The following MTHFD1L variants were observed in gnomAD, a reference collection of about 807,000 sequenced individuals.
MTHFD1L encodes methylenetetrahydrofolate dehydrogenase (NADP+ dependent) 1 like, also known as monofunctional C1-tetrahydrofolate synthase, mitochondrial.
A neutral mutation model predicts 119.5 loss-of-function variants in MTHFD1L; 81 were observed. The ratio of observed to expected loss-of-function variants is 0.68; its 90% CI spans 0.57 to 0.82. The LOEUF (loss-of-function observed/expected upper bound fraction) is 0.82. Ranked by LOEUF, MTHFD1L falls within the 40% of genes least tolerant of loss-of-function variation. The pLI, the probability that MTHFD1L is intolerant of heterozygous loss-of-function variation, is 0.00. For synonymous variants in MTHFD1L, 430 were observed against 475.2 expected, an observed-to-expected ratio of 0.90 and a Z score of 1.24; for missense variants, 1,125 against 1,253.4, an observed-to-expected ratio of 0.90 and a Z score of 1.55.
intron 8 of MTHFD1L, among the ~76,000 whole-genome samples, chr6:150,912,412 TA>T (rs1787072622): frequency 6.6e-6 from 1 of 151,860 alleles, no homozygotes; most frequent in African/African-American, 2.4e-5. Flanking sequence ...GGCGAGAAAA[TA>T]TTTAAGTCTG....
chr6:151,042,562 C>T (rs1247034570), intron 26 of MTHFD1L, among the ~76,000 whole-genome samples: 3 of 152,158 alleles, frequency 2.0e-5, no homozygotes, highest in Non-Finnish European at 4.4e-5. Flanking sequence ...AAAATAATCT[C>T]ATGCCAAAAA....
intron 24 of MTHFD1L, among the ~76,000 whole-genome samples, chr6:151,021,838 G>A (rs112426960): frequency 2.5e-4 from 38 of 152,348 alleles, no homozygotes; most frequent in Non-Finnish European, 5.0e-4. Context: ...TTTTTGCAAA[G>A]AAGGAGGTAT....
chr6:150,937,422 T>G (rs1583660341), intron 12 of MTHFD1L, among the ~76,000 whole-genome samples: 1 of 152,188 alleles, frequency 6.6e-6, no homozygotes, highest in African/African-American at 2.4e-5. Context: ...CGGGCTGATA[T>G]CTGGCACTTC....
intron 26 of MTHFD1L, among the ~76,000 whole-genome samples, chr6:151,051,875 C>G (rs1789099266): frequency 6.6e-6 from 1 of 152,224 alleles, no homozygotes; most frequent in Non-Finnish European, 1.5e-5. Flanking sequence ...GCCCATCACC[C>G]TGGCTGCGCC....
intron 27 of MTHFD1L, among the ~76,000 whole-genome samples, chr6:151,098,168 G>A (rs1046605578): frequency 2.0e-5 from 3 of 151,900 alleles, no homozygotes; most frequent in Admixed American, 6.6e-5. Flanking sequence ...AGCAAGACTC[G>A]GTCTCAAAAA....
At chr6:151,051,462 G>A (rs1289702086) in intron 26 of MTHFD1L, among the ~76,000 whole-genome samples, 2 of 152,196 alleles carry the variant, frequency 1.3e-5, no homozygotes, top group Non-Finnish European at 2.9e-5. Flanking sequence ...TGGGAGCATA[G>A]TCAGGGATAA....
At chr6:150,951,440 A>G (rs1794866657) in intron 16 of MTHFD1L, among the ~76,000 whole-genome samples, 1 of 152,190 alleles carries the variant, frequency 6.6e-6, no homozygotes, top group Non-Finnish European at 1.5e-5. Context: ...TAATAAAACT[A>G]CTATTCATAG....
At chr6:151,019,950 A>T (rs1320549932) in intron 24 of MTHFD1L, among the ~76,000 whole-genome samples, 1 of 152,162 alleles carries the variant, frequency 6.6e-6, no homozygotes, top group African/African-American at 2.4e-5. Flanking sequence ...TACCTCCCCT[A>T]CAACCCCACA....
chr6:151,020,111 C>T (rs1362763730), intron 24 of MTHFD1L, among the ~76,000 whole-genome samples: 2 of 152,192 alleles, frequency 1.3e-5, no homozygotes, highest in Non-Finnish European at 2.9e-5. Flanking sequence ...GGTGTCTCCC[C>T]AGACTTTATA....
chr6:151,053,927 G>A (rs191042223), intron 26 of MTHFD1L, among the ~76,000 whole-genome samples: 14 of 151,364 alleles, frequency 9.2e-5, no homozygotes, highest in South Asian at 2.1e-4. Context: ...TTATGATAAC[G>A]GTAACTGACT....
intron 8 of MTHFD1L, among the ~76,000 whole-genome samples, chr6:150,917,973 T>G (rs1788262459): frequency 1.3e-5 from 2 of 152,120 alleles, no homozygotes; most frequent in South Asian, 4.2e-4. Context: ...TGTTTCTTCC[T>G]GGCTCAGTGT....
chr6:151,037,178 C>T (rs527849409), intron 26 of MTHFD1L, 61 bp downstream of exon 26: 23 of 1,564,578 alleles, frequency 1.5e-5, no homozygotes, highest in East Asian at 2.2e-5. Flanking sequence ...TGCCTCAAAT[C>T]GTTATGCTCC....
At chr6:151,061,954 G>A (rs1014754231) in intron 26 of MTHFD1L, among the ~76,000 whole-genome samples, 30 of 152,164 alleles carry the variant, frequency 2.0e-4, no homozygotes, top group African/African-American at 7.0e-4. Flanking sequence ...ATGGCATTTA[G>A]GTTATAAATC....
In MTHFD1L at chr6:151,009,839, G is replaced by T; in HGVS notation, c.2146G>T (p.Ala716Ser). 6.2e-7 allele frequency: 1 copy of T among 1,613,902 alleles called. No individual in the cohort carries two copies. The highest frequency in any genetic ancestry group is 1.3e-5 in the African/African-American group (1 of 75,040). ...CACAGTGACCGAAGCTGGCTTTGGT[G>T]CTGACATCGGAATGGAGAAATTCTT... Reference protein sequence around the residue: ...GFVVTEAGFGADIGMEKFFNI... With the variant: ...GFVVTEAGFGSDIGMEKFFNI... The change falls in exon 21 of 28, where the codon GCT becomes TCT. Residue 716 changes from alanine (A) to serine (S), a missense_variant. Around this residue, in one of 3 missense-constraint regions of MTHFD1L, gnomAD observed 1,058 missense variants for 1,151.2 expected, o/e 0.92. Transcript: ENST00000367321.
At chr6:150,896,577 C>CACACT (rs1784260324) in intron 7 of MTHFD1L, among the ~76,000 whole-genome samples, 1 of 152,172 alleles carries the variant, frequency 6.6e-6, no homozygotes. Flanking sequence ...GAATTAAGTG[C>CACACT]ACTGAATAGT....
intron 11 of MTHFD1L, among the ~76,000 whole-genome samples, chr6:150,928,746 A>G (rs1790487362): frequency 6.6e-6 from 1 of 151,834 alleles, no homozygotes; most frequent in Admixed American, 6.6e-5. Flanking sequence ...GTTTCGCCAC[A>G]TTAGCCAGGC....
chr6:150,923,605 G>T (rs1789447953), intron 10 of MTHFD1L, among the ~76,000 whole-genome samples: 1 of 136,644 alleles, frequency 7.3e-6, no homozygotes, highest in East Asian at 2.1e-4. Flanking sequence ...TTGACCTCAG[G>T]TGTTCCACCT....
At chr6:151,040,310 C>CA (rs1363791417) in intron 26 of MTHFD1L, among the ~76,000 whole-genome samples, 1 of 152,200 alleles carries the variant, frequency 6.6e-6, no homozygotes, top group Non-Finnish European at 1.5e-5. Flanking sequence ...AGGTAGTTTA[C>CA]AGGTGGTAGA....
chr6:150,959,437 A>G (rs1796116110), intron 17 of MTHFD1L, among the ~76,000 whole-genome samples: 1 of 152,250 alleles, frequency 6.6e-6, no homozygotes, highest in Non-Finnish European at 1.5e-5. Context: ...AGGAGGAAGT[A>G]CACATTCCTG....
Sources: allele counts gnomAD v4.1 joint callset (sites outside exome capture counted in the v4.1 genomes callset), GRCh38; gene constraint gnomAD v4.1.1; regional missense constraint gnomAD v4.1.1; transcripts MANE v1.5; gene names NCBI Gene and HGNC (gene_info 2026-07-23, HGNC 2026-07-21).